Variants in VTI1A observed in about 807,000 individuals in gnomAD.
VTI1A encodes vesicle transport through interaction with t-SNAREs 1A.
VTI1A carries 22 observed loss-of-function variants against 34.9 expected under a neutral mutation model. The ratio of observed to expected loss-of-function variants is 0.63; its 90% CI spans 0.45 to 0.90. The LOEUF is 0.90. Among genes scored for constraint, VTI1A ranks in the 40% least tolerant of loss-of-function variants. The pLI is 0.00. For synonymous variants in VTI1A, 87 were observed against 97.3 expected (o/e 0.89, Z 0.62); for missense variants, 268 against 275.6 (o/e 0.97, Z 0.20).
chr10:112,773,484 CTA>C (rs1379835210), intron 7 of VTI1A, among the ~76,000 whole-genome samples: 1 of 152,176 alleles, frequency 6.6e-6, no homozygotes, highest in Non-Finnish European at 1.5e-5. Flanking sequence ...GCCCCATAAA[CTA>C]TCCTGTGCTA....
At chr10:112,526,127 C>G (rs1338847140) in intron 3 of VTI1A, among the ~76,000 whole-genome samples, 3 of 152,172 alleles carry the variant, frequency 2.0e-5, no homozygotes, top group African/African-American at 4.8e-5. Context: ...GAATTTAGGT[C>G]TGAAATAGTG....
intron 5 of VTI1A, among the ~76,000 whole-genome samples, chr10:112,542,822 C>T (rs1309391438): frequency 6.6e-6 from 1 of 152,114 alleles, no homozygotes; most frequent in Non-Finnish European, 1.5e-5. Context: ...TGCTATCCCT[C>T]CCCACTCTCC....
At position 112,465,537 on chromosome 10, in the gene VTI1A, A is replaced by G. The variant is rs186547035; in HGVS notation, c.264+880A>G. On this transcript the variant is annotated intron_variant, in intron 3 of 7. Coordinates refer to ENST00000393077, the MANE Select transcript of VTI1A (RefSeq NM_145206.4). Reference sequence around the variant, plus strand: ...GAATATTATTCAGCCTTAAAAAAGAAAGGAAATTCTGTCACATGCAACAAC... The same window carrying G: ...GAATATTATTCAGCCTTAAAAAAGAGAGGAAATTCTGTCACATGCAACAAC... 5.0e-4 allele frequency among the ~76,000 whole-genome samples: 76 copies of G among 152,358 alleles called. 1 individual carries two copies. In the East Asian group the frequency reaches 0.013, roughly 26 times the overall value.
intron 5 of VTI1A, among the ~76,000 whole-genome samples, chr10:112,611,737 ATT>A (rs3057346): frequency 0.035 from 3,558 of 100,746 alleles, 64 homozygotes; most frequent in African/African-American, 0.085. Context: ...GAGAAAGGTA[ATT>A]TTTTTTTTTT....
At chr10:112,539,167 T>C (rs936525298) in intron 5 of VTI1A, among the ~76,000 whole-genome samples, 2 of 152,218 alleles carry the variant, frequency 1.3e-5, no homozygotes, top group Non-Finnish European at 2.9e-5. Flanking sequence ...ATTTTGTGTA[T>C]TTTGGATAGC....
At chr10:112,715,941 T>G (rs1849594670) in intron 7 of VTI1A, among the ~76,000 whole-genome samples, 1 of 152,216 alleles carries the variant, frequency 6.6e-6, no homozygotes, top group Admixed American at 6.5e-5. Context: ...GTATTGAGAC[T>G]GGGAAGACAC....
At chr10:112,636,610 T>G (rs1846361539) in intron 5 of VTI1A, among the ~76,000 whole-genome samples, 2 of 151,610 alleles carry the variant, frequency 1.3e-5, no homozygotes, top group Admixed American at 1.3e-4. Context: ...GCACCTGTAG[T>G]CCCAGCTACT....
At chr10:112,809,489 C>T (rs891653623) in intron 7 of VTI1A, among the ~76,000 whole-genome samples, 3 of 152,178 alleles carry the variant, frequency 2.0e-5, no homozygotes, top group Non-Finnish European at 4.4e-5. Context: ...CAGGGCCAGT[C>T]GGCCAGGCAG....
chr10:112,566,949 A>G (rs1299446343), intron 5 of VTI1A, among the ~76,000 whole-genome samples: 1 of 152,174 alleles, frequency 6.6e-6, no homozygotes, highest in Non-Finnish European at 1.5e-5. Flanking sequence ...ATTTTCATTA[A>G]AAAGAAAATC....
intron 5 of VTI1A, among the ~76,000 whole-genome samples, chr10:112,591,005 G>A (rs1026725318): frequency 6.6e-6 from 1 of 152,176 alleles, no homozygotes; most frequent in African/African-American, 2.4e-5. Flanking sequence ...GGAGGCTTAG[G>A]CAAGAGAATC....
chr10:112,628,618 A>T (rs1589993804), intron 5 of VTI1A, among the ~76,000 whole-genome samples: 1 of 152,138 alleles, frequency 6.6e-6, no homozygotes, highest in East Asian at 1.9e-4. Context: ...CATTTACAGG[A>T]TTGCATCCAG....
intron 4 of VTI1A, among the ~76,000 whole-genome samples, chr10:112,534,452 C>T (rs1330672012): frequency 6.6e-6 from 1 of 151,850 alleles, no homozygotes; most frequent in Non-Finnish European, 1.5e-5. Context: ...GTATGAATTA[C>T]TTTTGAGTTT....
intron 7 of VTI1A, among the ~76,000 whole-genome samples, chr10:112,706,230 T>C (rs749074284): frequency 3.3e-5 from 5 of 152,204 alleles, no homozygotes; most frequent in Non-Finnish European, 7.3e-5. Flanking sequence ...CTTTTAGTTA[T>C]TTCAAAGCCT....
chr10:112,645,942 G>GT (rs71035394), intron 5 of VTI1A, among the ~76,000 whole-genome samples: 14,414 of 137,242 alleles, frequency 0.11, 1,036 homozygotes, highest in East Asian at 0.29. Context: ...AATATACTGT[G>GT]TTTTTTTTTT....
intron 1 of VTI1A, among the ~76,000 whole-genome samples, chr10:112,454,639 A>G (rs1275299525): frequency 2.0e-5 from 3 of 151,876 alleles, no homozygotes; most frequent in Non-Finnish European, 4.4e-5. Flanking sequence ...TGTATTGAGT[A>G]GGAAAGAAAA....
At chr10:112,642,583 C>G (rs932895568) in intron 5 of VTI1A, among the ~76,000 whole-genome samples, 1 of 146,046 alleles carries the variant, frequency 6.8e-6, no homozygotes, top group Non-Finnish European at 1.5e-5. Context: ...CACATATATA[C>G]GTATACACTC....
intron 5 of VTI1A, among the ~76,000 whole-genome samples, chr10:112,629,622 G>A (rs924365197): frequency 4.6e-5 from 7 of 152,184 alleles, no homozygotes; most frequent in South Asian, 2.1e-4. Context: ...CTTATTTAAC[G>A]CAGAAGTTAT....
At chr10:112,685,199 A>G (rs1031349046) in intron 7 of VTI1A, among the ~76,000 whole-genome samples, 2 of 152,246 alleles carry the variant, frequency 1.3e-5, no homozygotes, top group African/African-American at 4.8e-5. Context: ...TCTACCTACC[A>G]GAAGCGGTTT....
chr10:112,611,157 T>C (rs1489980108), intron 5 of VTI1A, among the ~76,000 whole-genome samples: 1 of 152,226 alleles, frequency 6.6e-6, no homozygotes, highest in Non-Finnish European at 1.5e-5. Context: ...TAATAATCTT[T>C]AGAAGAAACG....
Sources: allele counts gnomAD v4.1 joint callset (sites outside exome capture counted in the v4.1 genomes callset), GRCh38; gene constraint gnomAD v4.1.1; transcripts MANE v1.5; gene names NCBI Gene and HGNC (gene_info 2026-07-23, HGNC 2026-07-21).